Variants in PEDS1 observed in about 807,000 individuals in gnomAD.
The protein encoded by PEDS1 is plasmanylethanolamine desaturase 1.
PEDS1 carries 14 observed loss-of-function variants against 35.2 expected under a neutral mutation model. The observed-to-expected ratio is 0.40, with a 90% CI of 0.26 to 0.62. The LOEUF (loss-of-function observed/expected upper bound fraction) is 0.62. PEDS1 is among the 20% of genes least tolerant of loss of function. The pLI is 0.44. For synonymous variants in PEDS1, 152 were observed against 152.0 expected (o/e 1.00, Z 0.00); for missense variants, 260 against 367.8 (o/e 0.71, Z 2.40).
chr20:50,141,438 C>T (rs996958032), intron 2 of PEDS1, among the ~76,000 whole-genome samples: 8 of 152,254 alleles, frequency 5.3e-5, no homozygotes, highest in East Asian at 1.9e-4. Flanking sequence ...GTCCCCTCCC[C>T]GCCCCTGCTT....
At chr20:50,141,162 T>A (rs1343097302) in intron 2 of PEDS1, among the ~76,000 whole-genome samples, 1 of 152,236 alleles carries the variant, frequency 6.6e-6, no homozygotes, top group Middle Eastern at 3.2e-3. Context: ...CTGGAGGCTA[T>A]ACACGCCCTG....
At chr20:50,147,146 A>T (rs1333686036) in intron 1 of PEDS1, among the ~76,000 whole-genome samples, 2 of 152,166 alleles carry the variant, frequency 1.3e-5, no homozygotes, top group African/African-American at 4.8e-5. Context: ...GCTGACACAC[A>T]CTGAAGCCTG....
rs2081086487 is a variant in PEDS1 at position 50,125,166 on chromosome 20, G to A, written c.705C>T (p.Tyr235=). Residue 235 remains tyrosine (Y), a synonymous_variant, in exon 6 of 6, where the codon TAC becomes TAT. Coordinates refer to ENST00000371652, the MANE Select transcript of PEDS1 (RefSeq NM_199129.4). ...YFCITTGWLN[Y]PLEKIGFWRR... ...GCCAGAAGCCTATCTTCTCCAGAGGGTAGTTGAGCCAGCCTGCAGTAGAAA... is the reference window on the plus strand; with the variant it reads ...GCCAGAAGCCTATCTTCTCCAGAGGATAGTTGAGCCAGCCTGCAGTAGAAA... 2 of 1,614,010 alleles carry A rather than the reference G, an allele frequency of 1.2e-6. No homozygotes were observed. The highest frequency in any genetic ancestry group is 2.2e-5 in the East Asian group (1 of 44,872).
intron 2 of PEDS1, among the ~76,000 whole-genome samples, chr20:50,131,646 A>G (rs1266848540): frequency 6.6e-6 from 1 of 151,778 alleles, no homozygotes; most frequent in Non-Finnish European, 1.5e-5. Context: ...AAAGTACCTT[A>G]CCTGCAGATA....
intron 1 of PEDS1, 111 bp from the exon 2 acceptor site, chr20:50,143,732 C>CTA: frequency 6.8e-7 from 1 of 1,468,994 alleles, no homozygotes; most frequent in Non-Finnish European, 9.0e-7. Flanking sequence ...GAGTCTCACT[C>CTA]TATCACCCAG....
At position 50,123,960 on chromosome 20, in the gene PEDS1, C is replaced by T. The variant is rs1019752127; in HGVS notation, c.*1098G>A. 2 of 152,248 alleles carry T rather than the reference C, an allele frequency of 1.3e-5. No individual in the cohort carries two copies. The highest frequency in any genetic ancestry group is 4.8e-5 in the African/African-American group (2 of 41,438). The allele number at this position is 152,248 out of a possible 1,614,324, so 9.4% of individuals were successfully genotyped here. On this transcript the variant is annotated 3_prime_UTR_variant, in exon 6 of 6. Coordinates refer to ENST00000371652, the MANE Select transcript of PEDS1 (RefSeq NM_199129.4). ...GCCATCATTACTTTATCATCATGAT[C>T]AACAGGAAAGACCACTGTCCTCACC... is the stretch of plus-strand genomic sequence containing the variant.
chr20:50,141,354 C>T (rs779708556), intron 2 of PEDS1, among the ~76,000 whole-genome samples: 3 of 152,252 alleles, frequency 2.0e-5, no homozygotes, highest in Non-Finnish European at 4.4e-5. Context: ...ATAGTAGGTG[C>T]TCACAAAACA....
At chr20:50,153,389 C>T in intron 1 of PEDS1, 128 bp downstream of exon 1, 1 of 1,224,046 alleles carries the variant, frequency 8.2e-7, no homozygotes, top group Non-Finnish European at 1.0e-6. Flanking sequence ...CCCGAACTTG[C>T]TATTTGCAAG....
intron 1 of PEDS1, among the ~76,000 whole-genome samples, chr20:50,150,179 G>A (rs762575182): frequency 4.6e-5 from 7 of 152,016 alleles, no homozygotes; most frequent in Non-Finnish European, 1.0e-4. Flanking sequence ...GGTTGTAGTG[G>A]GGATGCACGG....
chr20:50,133,273 C>A (rs1472467673), intron 2 of PEDS1, among the ~76,000 whole-genome samples: 1 of 148,086 alleles, frequency 6.8e-6, no homozygotes, highest in Non-Finnish European at 1.5e-5. Flanking sequence ...GTATCCATCA[C>A]AGGTGCCAAG....
At chr20:50,151,306 G>C in intron 1 of PEDS1, 1 of 1,304,214 alleles carries the variant, frequency 7.7e-7, no homozygotes, top group Non-Finnish European at 1.0e-6. Flanking sequence ...TCTTCAGAGA[G>C]TGAAGGGCAC....
intron 2 of PEDS1, among the ~76,000 whole-genome samples, chr20:50,140,184 T>C (rs749701534): frequency 1.1e-4 from 16 of 152,352 alleles, no homozygotes; most frequent in Non-Finnish European, 1.8e-4. Context: ...AGCTCACCTT[T>C]CACAGCTCCT....
At chr20:50,134,302 T>C (rs1449926489) in intron 2 of PEDS1, among the ~76,000 whole-genome samples, 1 of 152,142 alleles carries the variant, frequency 6.6e-6, no homozygotes, top group Admixed American at 6.6e-5. Context: ...TCCCAGCACT[T>C]TGGGATGCCA....
chr20:50,136,769 G>A (rs1037580157), intron 2 of PEDS1, among the ~76,000 whole-genome samples: 5 of 149,186 alleles, frequency 3.4e-5, no homozygotes, highest in African/African-American at 5.0e-5. Context: ...GGGCGCATTG[G>A]CTCACGCCTA....
At chr20:50,151,296 T>G in intron 1 of PEDS1, 1 of 1,304,280 alleles carries the variant, frequency 7.7e-7, no homozygotes, top group Non-Finnish European at 1.0e-6. Flanking sequence ...GCATGGCTGT[T>G]CTTCAGAGAG....
At chr20:50,143,149 A>T (rs1232093905) in intron 2 of PEDS1, among the ~76,000 whole-genome samples, 1 of 152,162 alleles carries the variant, frequency 6.6e-6, no homozygotes, top group Non-Finnish European at 1.5e-5. Flanking sequence ...AAGGCTCCTG[A>T]AACAGCCCAG....
At chr20:50,140,993 T>C (rs1046600264) in intron 2 of PEDS1, among the ~76,000 whole-genome samples, 5 of 152,214 alleles carry the variant, frequency 3.3e-5, no homozygotes, top group Non-Finnish European at 5.9e-5. Context: ...AGAGATTTCC[T>C]GGGCTGTGGC....
Position 50,153,550 on chromosome 20 carries a change from C to T in PEDS1, c.88G>A (p.Gly30Arg), listed in dbSNP as rs1407966116. 1.4e-6 allele frequency: 2 copies of T among 1,431,682 alleles called. No individual in the cohort carries two copies. The highest frequency in any genetic ancestry group is 1.5e-5 in the African/African-American group (1 of 68,160). 88.7% of individuals were successfully genotyped at this position (1,431,682 alleles called of 1,614,324 possible). The change falls in exon 1 of 6, where the codon GGG becomes AGG. Residue 30 changes from glycine to arginine, a missense_variant. Gly to Arg is a moderately radical substitution (Grantham distance 125). Transcript: ENST00000371652. Reference protein sequence around the residue: ...SCCRWGAQHAGARELAALYSP... With the variant: ...SCCRWGAQHARARELAALYSP... The stretch of plus-strand genomic sequence containing the variant: ...TAGAGCGCAGCCAGCTCGCGGGCCC[C>T]GGCGTGCTGCGCGCCCCAGCGGCAA...
rs1568660154 is a variant in PEDS1, at chr20:50,153,616, G to A, written c.22C>T (p.Pro8Ser). 2 of 1,307,136 alleles carry A rather than the reference G, an allele frequency of 1.5e-6. No homozygotes were observed. Among genetic ancestry groups the A allele is most frequent in the Non-Finnish European group, 9.8e-7 (1 of 1,022,846 alleles). The allele number at this position is 1,307,136 out of a possible 1,614,324, so 81.0% of individuals were successfully genotyped here. A position where few individuals can be genotyped will look rare whatever the true frequency, so the allele number is the denominator to read the frequency against. Residue 8 changes from proline to serine, a missense_variant, in exon 1 of 6, where the codon CCG becomes TCG. Pro to Ser is a moderately conservative substitution (Grantham distance 74). This residue lies in a region of PEDS1 where 114 missense variants were observed against 121.6 expected (regional missense o/e 0.94). Coordinates refer to ENST00000371652, the MANE Select transcript of PEDS1 (RefSeq NM_199129.4). MAGAENWPGQQLELDEDE... is the reference protein window; with the variant it reads MAGAENWSGQQLELDEDE... Reference sequence around the variant, plus strand: ...TCGTCCAGCTCCAGCTGCTGGCCCGGCCAGTTCTCGGCGCCCGCCATGGCC... The same window carrying A: ...TCGTCCAGCTCCAGCTGCTGGCCCGACCAGTTCTCGGCGCCCGCCATGGCC...
Sources: gnomAD v4.1 joint callset for allele counts (sites outside exome capture counted in the v4.1 genomes callset) on GRCh38, gnomAD v4.1.1 for gene constraint, gnomAD v4.1.1 regional missense constraint, MANE v1.5 for transcripts, NCBI Gene and HGNC (gene_info 2026-07-23, HGNC 2026-07-21) for gene names.